CARM1: variants seen among roughly 807,000 people sequenced by gnomAD.
CARM1 encodes the protein histone-arginine methyltransferase CARM1.
Under a neutral mutation model 72.7 loss-of-function variants are expected in CARM1, and 14 were observed. The ratio of observed to expected loss-of-function variants is 0.19; its 90% CI spans 0.13 to 0.30. The LOEUF (loss-of-function observed/expected upper bound fraction) is 0.30, where lower values mean the gene tolerates loss of function less well. Ranked by LOEUF, CARM1 falls within the 10% of genes least tolerant of loss-of-function variation. CARM1 has a pLI of 1.00. For missense variants in CARM1, 432 were observed against 833.7 expected, an observed-to-expected ratio of 0.52 and a Z score of 5.93; for synonymous variants, 333 against 345.5, an observed-to-expected ratio of 0.96 and a Z score of 0.40.
intron 2 of CARM1, among the ~76,000 whole-genome samples, chr19:10,906,558 G>C: frequency 6.6e-6 from 1 of 152,106 alleles, no homozygotes; most frequent in Admixed American, 6.6e-5. Context: ...CATCTCCCAG[G>C]TTCAAGCGAT....
intron 1 of CARM1, among the ~76,000 whole-genome samples, chr19:10,900,725 C>G (rs950681109): frequency 3.9e-5 from 6 of 152,092 alleles, no homozygotes; most frequent in African/African-American, 1.4e-4. Flanking sequence ...GCTCTGTCGC[C>G]CAGGCTGGGG....
At chr19:10,884,202 A>G (rs1221989703) in intron 1 of CARM1, among the ~76,000 whole-genome samples, 1 of 142,058 alleles carries the variant, frequency 7.0e-6, no homozygotes, top group Non-Finnish European at 1.5e-5. Context: ...TTATCCAGGC[A>G]TGGTGGCGCA....
At chr19:10,903,547 C>T (rs1220903480) in intron 1 of CARM1, among the ~76,000 whole-genome samples, 1 of 151,872 alleles carries the variant, frequency 6.6e-6, no homozygotes, top group African/African-American at 2.4e-5. Context: ...AGTCCACACT[C>T]ACATTTCCCT....
Position 10,917,000 on chromosome 19 carries a change from C to T in CARM1, c.1020+223C>T, listed in dbSNP as rs1422884971. On this transcript the variant is annotated intron_variant, in intron 8 of 15. Transcript: ENST00000327064. The surrounding 1 kb of genome is among the most constrained non-coding windows in gnomAD (Gnocchi z 4.4). The stretch of plus-strand genomic sequence containing the variant: ...TTAGGTGAGGCTAAGGCAGAGGGGG[C>T]ATTTAGGCTCAGGAGTTCAAGATCA... Among the ~76,000 whole-genome samples the T allele has an allele frequency of 6.6e-6, 1 of 152,014 alleles. No individual in the cohort carries two copies. The highest frequency in any genetic ancestry group is 1.9e-4 in the East Asian group (1 of 5,200).
rs986473804 is a variant in CARM1, at chr19:10,920,222, T to C, written c.1197-214T>C. Among the ~76,000 whole-genome samples, 2 of 151,962 alleles carry C rather than the reference T, an allele frequency of 1.3e-5. No individual in the cohort carries two copies. The highest frequency in any genetic ancestry group is 4.8e-5 in the African/African-American group (2 of 41,354). ...GTCTCTTGGCACATGTCAGGGTGAG[T>C]AGGGATCTCGTGGTTGCGGGCCCCT... On this transcript the variant is annotated intron_variant, in intron 10 of 15. Transcript: ENST00000327064. This position sits in a 1 kb window ranked among gnomAD's most constrained non-coding sequence, Gnocchi z 5.3.
At chr19:10,900,806 C>T (rs2074058049) in intron 1 of CARM1, among the ~76,000 whole-genome samples, 1 of 152,080 alleles carries the variant, frequency 6.6e-6, no homozygotes, top group South Asian at 2.1e-4. Context: ...GCCTCAGCCT[C>T]CCGAGTAGCT....
Position 10,921,077 on chromosome 19 carries a change from G to A in CARM1, c.1565G>A (p.Ser522Asn), listed in dbSNP as rs2074241879. The change falls in exon 14 of 16, where the codon AGT becomes AAT. Residue 522 changes from serine (S) to asparagine (N), a missense_variant. By Grantham distance (46) the Ser-to-Asn change is conservative (BLOSUM62 1). Around this residue, in one of 3 missense-constraint regions of CARM1, gnomAD observed 142 missense variants for 188.7 expected, o/e 0.75. Coordinates refer to ENST00000327064, the MANE Select transcript of CARM1 (RefSeq NM_199141.2). Reference sequence around the variant, plus strand: ...ATGCCGACCGCCTATGACTTGAGCAGTGTTATTGCCAGTGGCTCCAGCGTG... The same window carrying A: ...ATGCCGACCGCCTATGACTTGAGCAATGTTATTGCCAGTGGCTCCAGCGTG... ...AGMPTAYDLS[S>N]VIASGSSVGH... 1 of 1,614,190 alleles carries A rather than the reference G, an allele frequency of 6.2e-7. No individual in the cohort carries two copies. The highest frequency in any genetic ancestry group is 8.5e-7 in the Non-Finnish European group (1 of 1,180,004).
chr19:10,902,377 T>C (rs1324875093), intron 1 of CARM1, among the ~76,000 whole-genome samples: 1 of 143,406 alleles, frequency 7.0e-6, no homozygotes, highest in East Asian at 2.3e-4. Flanking sequence ...CACTGCAAGC[T>C]CCACCTCCCG....
chr19:10,914,919 G>C (rs998838071), intron 6 of CARM1, among the ~76,000 whole-genome samples: 23 of 152,238 alleles, frequency 1.5e-4, no homozygotes, highest in African/African-American at 5.3e-4. Flanking sequence ...CCTGAGGCAT[G>C]TGCCTGTGGC....
chr19:10,913,782 A>G (rs1424999190), intron 5 of CARM1, 95 bp from the exon 6 acceptor site: 8 of 1,301,786 alleles, frequency 6.1e-6, no homozygotes, highest in Non-Finnish European at 8.5e-6. Flanking sequence ...CCCAATGCCC[A>G]TGTGTGGATG....
At chr19:10,905,942 CTTTTTTTTTTTT>C (rs35328638) in intron 2 of CARM1, among the ~76,000 whole-genome samples, 5 of 103,444 alleles carry the variant, frequency 4.8e-5, no homozygotes, top group African/African-American at 1.6e-4. Flanking sequence ...TGCCCGGCCC[CTTTTTTTTTTTT>C]TTTTTTTTTT....
At chr19:10,883,081 C>A (rs2073913911) in intron 1 of CARM1, among the ~76,000 whole-genome samples, 1 of 152,150 alleles carries the variant, frequency 6.6e-6, no homozygotes, top group Non-Finnish European at 1.5e-5. Context: ...TCCCAGCACT[C>A]TCTGGGTTAG....
rs917963778 is a variant in CARM1, at chr19:10,873,588, CA to C, written c.220+1676del. The stretch of plus-strand genomic sequence containing the variant: ...GGGGAGACAGAGTGAGACTCCATCT[CA>C]AAAAAAAAATTTTTTTTAGAACAAT... On this transcript the variant is annotated intron_variant, in intron 1 of 15. Transcript: ENST00000327064. 8.0e-5 allele frequency among the ~76,000 whole-genome samples: 8 copies of C among 99,824 alleles called. No individual in the cohort carries two copies. The South Asian group carries it at 1.1e-3, about 13-fold the overall frequency. The allele number at this position is 99,824 out of a possible 152,430, so 65.5% of individuals were successfully genotyped here.
At chr19:10,918,323 G>T (rs1272761555) in intron 8 of CARM1, among the ~76,000 whole-genome samples, 1 of 151,948 alleles carries the variant, frequency 6.6e-6, no homozygotes, top group Non-Finnish European at 1.5e-5. Flanking sequence ...TCTCCCAGAC[G>T]CAAGTGATCC....
chr19:10,919,125 C>T (rs1232048144), intron 8 of CARM1: 2 of 155,424 alleles, frequency 1.3e-5, no homozygotes, highest in Non-Finnish European at 2.9e-5. Flanking sequence ...ATTCCACACC[C>T]AGCTAGCACC....
chr19:10,912,364 G>A lies in CARM1; in HGVS notation c.669+70G>A. ...AGTGCCATGCCGGCCCCAGCCTAGA[G>A]AAGCTTGGGAACCCCCAGGGGCCTG... On this transcript the variant is annotated intron_variant, in intron 5 of 15. Coordinates refer to ENST00000327064, the MANE Select transcript of CARM1 (RefSeq NM_199141.2). This position sits in a 1 kb window ranked among gnomAD's most constrained non-coding sequence, Gnocchi z 4.5. 1.7e-6 allele frequency: 2 copies of A among 1,155,768 alleles called. No homozygotes were observed. The highest frequency in any genetic ancestry group is 2.6e-6 in the Non-Finnish European group (2 of 769,770). 71.6% of individuals were successfully genotyped at this position (1,155,768 alleles called of 1,614,324 possible). A position where few individuals can be genotyped will look rare whatever the true frequency, so the allele number is the denominator to read the frequency against.
chr19:10,893,629 C>T (rs572975055), intron 1 of CARM1, among the ~76,000 whole-genome samples: 1 of 152,374 alleles, frequency 6.6e-6, no homozygotes, highest in East Asian at 1.9e-4. Context: ...TGAGCCACCG[C>T]CCCCTGTCAT....
At chr19:10,904,543 A>G (rs1260042994) in intron 1 of CARM1, among the ~76,000 whole-genome samples, 1 of 152,136 alleles carries the variant, frequency 6.6e-6, no homozygotes, top group East Asian at 1.9e-4. Flanking sequence ...TGGGGTGTGA[A>G]CCCAGCGGTC....
chr19:10,885,789 T>C (rs1023641980), intron 1 of CARM1, among the ~76,000 whole-genome samples: 2 of 151,942 alleles, frequency 1.3e-5, no homozygotes, highest in African/African-American at 4.8e-5. Context: ...AGATGCAGGA[T>C]GATGGGATGC....
Sources: allele counts gnomAD v4.1 joint callset (sites outside exome capture counted in the v4.1 genomes callset), GRCh38; gene constraint gnomAD v4.1.1; regional missense constraint gnomAD v4.1.1; non-coding constraint Gnocchi (gnomAD v3.1); transcripts MANE v1.5; gene names NCBI Gene and HGNC (gene_info 2026-07-23, HGNC 2026-07-21).